The following LINGO2 variants were observed in gnomAD, a reference collection of about 807,000 sequenced individuals.
The protein encoded by LINGO2 is leucine-rich repeat and immunoglobulin-like domain-containing nogo receptor-interacting protein 2.
Under a neutral mutation model 30.6 loss-of-function variants are expected in LINGO2, and 14 were observed. The ratio of observed to expected loss-of-function variants is 0.46; its 90% CI spans 0.30 to 0.72. LINGO2 has a LOEUF of 0.72. Among genes scored for constraint, LINGO2 ranks in the 30% least tolerant of loss-of-function variants. The pLI, the probability that LINGO2 is intolerant of heterozygous loss-of-function variation, is 0.07. For synonymous variants in LINGO2, 317 were observed against 288.5 expected, an observed-to-expected ratio of 1.10 and a Z score of -1.00; for missense variants, 729 against 751.7, an observed-to-expected ratio of 0.97 and a Z score of 0.35.
intron 4 of LINGO2, among the ~76,000 whole-genome samples, chr9:28,216,637 T>C (rs1820777996): frequency 6.6e-6 from 1 of 151,934 alleles, no homozygotes. Context: ...TTATATCTAT[T>C]TAAATATTCA....
At chr9:28,472,366 G>T (rs1564222000) in intron 2 of LINGO2, among the ~76,000 whole-genome samples, 1 of 150,650 alleles carries the variant, frequency 6.6e-6, no homozygotes, top group Non-Finnish European at 1.5e-5. Flanking sequence ...TAATTACTCA[G>T]TATTGGTAGT....
chr9:29,086,818 G>T, the LINGO2 span, among the ~76,000 whole-genome samples: 1 of 151,736 alleles, frequency 6.6e-6, no homozygotes, highest in East Asian at 1.9e-4. Context: ...ATATACCACA[G>T]TTACTACTTT....
chr9:28,516,205 T>C (rs1168854140), intron 1 of LINGO2, among the ~76,000 whole-genome samples: 1 of 152,214 alleles, frequency 6.6e-6, no homozygotes, highest in East Asian at 1.9e-4. Context: ...TACTTTATTG[T>C]GTTGTCCCAG....
At chr9:29,147,636 A>G in the LINGO2 span, among the ~76,000 whole-genome samples, 1 of 152,092 alleles carries the variant, frequency 6.6e-6, no homozygotes, top group Admixed American at 6.5e-5. Flanking sequence ...TTCCAAATAT[A>G]TCCAAAGCCT....
the LINGO2 span, among the ~76,000 whole-genome samples, chr9:29,055,415 C>T: frequency 6.6e-6 from 1 of 152,126 alleles, no homozygotes; most frequent in East Asian, 1.9e-4. Flanking sequence ...TATTCCACTC[C>T]GTGCATATCA....
chr9:28,607,933 T>C (rs1825760442), intron 1 of LINGO2, among the ~76,000 whole-genome samples: 1 of 152,020 alleles, frequency 6.6e-6, no homozygotes, highest in Non-Finnish European at 1.5e-5. Flanking sequence ...CTAGAAATCT[T>C]AGAAGATATG....
chr9:28,711,842 A>G, the LINGO2 span, among the ~76,000 whole-genome samples: 1 of 152,170 alleles, frequency 6.6e-6, no homozygotes, highest in East Asian at 1.9e-4. Context: ...AAGAACTCAC[A>G]AAAACTTACT....
chr9:28,684,893 G>C, the LINGO2 span, among the ~76,000 whole-genome samples: 1,412 of 152,126 alleles, frequency 9.3e-3, 31 homozygotes, highest in East Asian at 0.08. Flanking sequence ...TAAATTGCAT[G>C]TTGCGTGGGT....
At chr9:28,893,308 C>G in the LINGO2 span, among the ~76,000 whole-genome samples, 1 of 151,942 alleles carries the variant, frequency 6.6e-6, no homozygotes, top group Non-Finnish European at 1.5e-5. Context: ...TATACCATGT[C>G]AGGACATCTG....
the LINGO2 span, among the ~76,000 whole-genome samples, chr9:28,915,624 G>A: frequency 3.3e-5 from 5 of 152,042 alleles, no homozygotes; most frequent in Non-Finnish European, 7.3e-5. Flanking sequence ...GTAAATATGT[G>A]GGTAAATGTA....
chr9:28,723,966 G>A, the LINGO2 span, among the ~76,000 whole-genome samples: 1 of 151,594 alleles, frequency 6.6e-6, no homozygotes, highest in African/African-American at 2.4e-5. Context: ...TTTTCCCAGT[G>A]ACAATGCATA....
At chr9:29,157,009 A>G in the LINGO2 span, among the ~76,000 whole-genome samples, 1 of 152,056 alleles carries the variant, frequency 6.6e-6, no homozygotes, top group African/African-American at 2.4e-5. Flanking sequence ...AGACATTCCC[A>G]TTGGTTGGCT....
chr9:28,909,313 G>A, the LINGO2 span, among the ~76,000 whole-genome samples: 7 of 151,766 alleles, frequency 4.6e-5, no homozygotes, highest in Non-Finnish European at 7.4e-5. Context: ...GCTTATATCA[G>A]CATAAGTCAA....
intron 5 of LINGO2, among the ~76,000 whole-genome samples, chr9:27,999,436 CAGAGAGAGAGAGAGAG>C (rs36216761): frequency 8.3e-5 from 12 of 143,772 alleles, no homozygotes; most frequent in African/African-American, 1.3e-4. Context: ...GCCTAATCTT[CAGAGAGAGAGAGAGAG>C]AGAGAGAGAG....
At chr9:28,338,667 G>A (rs1825668580) in intron 3 of LINGO2, among the ~76,000 whole-genome samples, 1 of 152,078 alleles carries the variant, frequency 6.6e-6, no homozygotes, top group Non-Finnish European at 1.5e-5. Context: ...GTGATACTGA[G>A]TGAGCTCTCA....
At chr9:28,465,015 G>GC (rs906905521) in intron 2 of LINGO2, among the ~76,000 whole-genome samples, 12 of 151,940 alleles carry the variant, frequency 7.9e-5, no homozygotes, top group Non-Finnish European at 1.6e-4. Flanking sequence ...TTTGGGCGCC[G>GC]CCCCCCCGCC....
the LINGO2 span, among the ~76,000 whole-genome samples, chr9:28,712,243 G>A: frequency 2.0e-5 from 3 of 151,996 alleles, no homozygotes; most frequent in Admixed American, 6.6e-5. Context: ...AGAAATAAAC[G>A]TTTTTGACCC....
chr9:27,977,381 C>G (rs933505343), intron 5 of LINGO2, among the ~76,000 whole-genome samples: 1 of 151,398 alleles, frequency 6.6e-6, no homozygotes, highest in Non-Finnish European at 1.5e-5. Flanking sequence ...ATAGAGAGCT[C>G]GAAGGGCACT....
chr9:28,013,584 G>C (rs528879409), intron 4 of LINGO2, among the ~76,000 whole-genome samples: 1 of 152,196 alleles, frequency 6.6e-6, no homozygotes, highest in African/African-American at 2.4e-5. Flanking sequence ...TGGCAAAGAC[G>C]GGGAGTGAAT....
Sources: gnomAD v4.1 joint callset for allele counts (sites outside exome capture counted in the v4.1 genomes callset) on GRCh38, gnomAD v4.1.1 for gene constraint, MANE v1.5 for transcripts, NCBI Gene and HGNC (gene_info 2026-07-23, HGNC 2026-07-21) for gene names.